SMARCAL1: variants seen among roughly 807,000 people sequenced by gnomAD.
The protein encoded by SMARCAL1 is SNF2 related chromatin remodeling annealing helicase 1, also known as ATP-driven annealing helicase.
Under a neutral mutation model 94.5 loss-of-function variants are expected in SMARCAL1, and 58 were observed. That is an observed-to-expected ratio of 0.61 (90% confidence interval 0.50 to 0.76). The LOEUF is 0.76. Among genes scored for constraint, SMARCAL1 ranks in the 30% least tolerant of loss-of-function variants. The pLI, the probability that SMARCAL1 is intolerant of heterozygous loss-of-function variation, is 0.00. For synonymous variants in SMARCAL1, 422 were observed against 455.1 expected (o/e 0.93, Z 0.93); for missense variants, 1,051 against 1,177.9 (o/e 0.89, Z 1.58).
chr2:216,427,639 G>A (rs2738281), intron 6 of SMARCAL1, among the ~76,000 whole-genome samples: 37,074 of 152,092 alleles, frequency 0.24, 5,485 homozygotes, highest in Non-Finnish European at 0.32. Context: ...TCTTCTCATG[G>A]TGATTATTTT....
rs566994066 is a variant in SMARCAL1 at position 216,481,511 on chromosome 2, A to T, written c.2626-1227A>T. Among the ~76,000 whole-genome samples, 359 of 107,476 alleles carry T rather than the reference A, an allele frequency of 3.3e-3. 1 individual carries two copies. The highest frequency in any genetic ancestry group is 0.011 in the African/African-American group (293 of 27,682). The allele number at this position is 107,476 out of a possible 152,430, so 70.5% of individuals were successfully genotyped here. A position where few individuals can be genotyped will look rare whatever the true frequency, so the allele number is the denominator to read the frequency against. On this transcript the variant is annotated intron_variant, in intron 17 of 17. Coordinates refer to ENST00000357276, the MANE Select transcript of SMARCAL1 (RefSeq NM_014140.4). ...GCAGCAGCCTTATTTTTATGTATTT[A>T]TTTTTTTTTTGAGACAGAGTCTCAC... is the stretch of plus-strand genomic sequence containing the variant.
intron 12 of SMARCAL1, among the ~76,000 whole-genome samples, chr2:216,456,071 G>T (rs557289904): frequency 1.3e-5 from 2 of 152,204 alleles, no homozygotes; most frequent in Non-Finnish European, 2.9e-5. Context: ...TTCAGTAGCC[G>T]ATTTGATCAA....
chr2:216,478,428 C>G (rs903886928), intron 17 of SMARCAL1, 129 bp downstream of exon 17: 2 of 756,558 alleles, frequency 2.6e-6, no homozygotes, highest in Non-Finnish European at 4.8e-6. Flanking sequence ...GAGCTGAAAA[C>G]AATGGCCTGC....
At chr2:216,423,932 C>G (rs964380382) in intron 6 of SMARCAL1, among the ~76,000 whole-genome samples, 1 of 152,122 alleles carries the variant, frequency 6.6e-6, no homozygotes, top group African/African-American at 2.4e-5. Context: ...ATTTCCCAGG[C>G]CTGTGAAATC....
chr2:216,426,168 G>A (rs1272293046), intron 6 of SMARCAL1, among the ~76,000 whole-genome samples: 1 of 152,140 alleles, frequency 6.6e-6, no homozygotes, highest in Non-Finnish European at 1.5e-5. Flanking sequence ...AGCCACAAAA[G>A]CTGAATTTTT....
chr2:216,464,702 T>C, intron 13 of SMARCAL1, 35 bp downstream of exon 13: 3 of 1,135,584 alleles, frequency 2.6e-6, no homozygotes, highest in South Asian at 1.3e-5. Flanking sequence ...TCTCTCTCTC[T>C]CATCTTCAAA....
intron 6 of SMARCAL1, among the ~76,000 whole-genome samples, chr2:216,425,695 A>G (rs915854303): frequency 1.3e-5 from 2 of 152,204 alleles, no homozygotes; most frequent in African/African-American, 4.8e-5. Flanking sequence ...TGAGCAACAG[A>G]ACAGCTCTTA....
chr2:216,415,780 G>A (rs1693586093), intron 3 of SMARCAL1, among the ~76,000 whole-genome samples: 1 of 152,188 alleles, frequency 6.6e-6, no homozygotes, highest in Non-Finnish European at 1.5e-5. Flanking sequence ...TGCTTTATAT[G>A]CATTGTAGCA....
chr2:216,420,687 G>A (rs1030804899), intron 5 of SMARCAL1, among the ~76,000 whole-genome samples, 155 bp downstream of exon 5: 4 of 152,166 alleles, frequency 2.6e-5, no homozygotes, highest in African/African-American at 9.7e-5. Flanking sequence ...CACGTTAATT[G>A]TTCCAGATAG....
intron 12 of SMARCAL1, chr2:216,451,359 T>C: frequency 2.4e-6 from 1 of 421,214 alleles, no homozygotes; most frequent in Non-Finnish European, 4.5e-6. Flanking sequence ...CCTCAAAGAA[T>C]GTGGAAATTA....
At chr2:216,422,025 G>A (rs1028564089) in intron 5 of SMARCAL1, among the ~76,000 whole-genome samples, 6 of 152,092 alleles carry the variant, frequency 3.9e-5, no homozygotes, top group South Asian at 4.1e-4. Context: ...GCTGCTCCAC[G>A]ACAGTCTAGA....
chr2:216,421,020 G>A (rs75232026), intron 5 of SMARCAL1, among the ~76,000 whole-genome samples: 1,754 of 152,232 alleles, frequency 0.012, 13 homozygotes, highest in Middle Eastern at 0.024. Flanking sequence ...AAACTTTTGC[G>A]TTTCTCACAA....
chr2:216,442,500 G>C (rs1449125110), intron 10 of SMARCAL1, among the ~76,000 whole-genome samples: 1 of 151,688 alleles, frequency 6.6e-6, no homozygotes. Context: ...AGGTTCCCTA[G>C]TCCCCAGTCT....
intron 7 of SMARCAL1, among the ~76,000 whole-genome samples, chr2:216,431,960 A>G (rs1346760409): frequency 6.6e-6 from 1 of 151,264 alleles, no homozygotes; most frequent in Non-Finnish European, 1.5e-5. Flanking sequence ...CATACTGAGT[A>G]CTCTCTGATC....
At chr2:216,423,514 G>T in intron 5 of SMARCAL1, 119 bp from the exon 6 acceptor site, 1 of 842,216 alleles carries the variant, frequency 1.2e-6, no homozygotes, top group South Asian at 1.4e-5. Context: ...TACAGGACCA[G>T]CTGCCACATT....
intron 11 of SMARCAL1, 84 bp from the exon 12 acceptor site, chr2:216,450,762 G>A: frequency 5.4e-6 from 6 of 1,101,228 alleles, no homozygotes; most frequent in Non-Finnish European, 8.3e-6. Context: ...GTTGTGAGAA[G>A]AGGGACCTCC....
chr2:216,418,172 G>C (rs1201201686), intron 4 of SMARCAL1, among the ~76,000 whole-genome samples: 1 of 152,158 alleles, frequency 6.6e-6, no homozygotes, highest in East Asian at 1.9e-4. Context: ...ACCTGCCTCA[G>C]CCTCTAAAAC....
At chr2:216,456,269 CT>C (rs1694565342) in intron 12 of SMARCAL1, among the ~76,000 whole-genome samples, 1 of 152,218 alleles carries the variant, frequency 6.6e-6, no homozygotes, top group Non-Finnish European at 1.5e-5. Context: ...GGAAAACACT[CT>C]GCAGGATATT....
rs1343726853 is a variant in SMARCAL1 at position 216,420,409 on chromosome 2, G to T, written c.973G>T (p.Ala325Ser). ...SSEGQAGLPS[A>S]PSLSFVKGRC... ...TGAGGGACAGGCCGGCCTTCCATCA[G>T]CTCCATCCCTTTCATTTGTCAAAGG... Residue 325 changes from alanine to serine, a missense_variant, in exon 5 of 18, where the codon GCT (alanine) becomes TCT (serine). Coordinates refer to ENST00000357276, the MANE Select transcript of SMARCAL1 (RefSeq NM_014140.4). 6.2e-7 allele frequency: 1 copy of T among 1,614,194 alleles called. No individual in the cohort carries two copies. The highest frequency in any genetic ancestry group is 1.1e-5 in the South Asian group (1 of 91,080).
Sources: allele counts gnomAD v4.1 joint callset (sites outside exome capture counted in the v4.1 genomes callset), GRCh38; gene constraint gnomAD v4.1.1; transcripts MANE v1.5; gene names NCBI Gene and HGNC (gene_info 2026-07-23, HGNC 2026-07-21).